Variants in PDZRN3 observed in about 807,000 individuals in gnomAD.
PDZRN3 encodes the protein PDZ domain containing ring finger 3.
Under a neutral mutation model 85.7 loss-of-function variants are expected in PDZRN3, and 38 were observed. The observed-to-expected ratio is 0.44, with a 90% CI of 0.34 to 0.58. The LOEUF is 0.58. Ranked by LOEUF, PDZRN3 falls within the 20% of genes least tolerant of loss-of-function variation. The pLI is 0.01. For missense variants in PDZRN3, 1,629 were observed against 1,506.4 expected (o/e 1.08, Z -1.35); for synonymous variants, 759 against 638.0 (o/e 1.19, Z -2.86).
chr3:73,589,546 T>G (rs1008982216), intron 3 of PDZRN3, among the ~76,000 whole-genome samples: 1 of 152,212 alleles, frequency 6.6e-6, no homozygotes, highest in Non-Finnish European at 1.5e-5. Context: ...GTTTAATAGA[T>G]GAGAATCTCT....
Position 73,404,568 on chromosome 3 carries a change from G to T in PDZRN3, c.919-173C>A, listed in dbSNP as rs562050526. 247 of 631,062 alleles carry T rather than the reference G, an allele frequency of 3.9e-4. 1 individual carries two copies. Among genetic ancestry groups the T allele is most frequent in the South Asian group, 1.3e-3 (64 of 48,634 alleles). 39.1% of individuals were successfully genotyped at this position (631,062 alleles called of 1,614,324 possible). ...TTTCCCGAAGAATGCCTGGTGGAAA[G>T]AGAGTGAGTTTGGAGGTATTCAGAT... On this transcript the variant is annotated intron_variant, in intron 3 of 9. Coordinates refer to ENST00000263666, the MANE Select transcript of PDZRN3 (RefSeq NM_015009.3).
intron 3 of PDZRN3, among the ~76,000 whole-genome samples, chr3:73,407,456 T>A (rs924579703): frequency 6.6e-6 from 1 of 152,224 alleles, no homozygotes; most frequent in South Asian, 2.1e-4. Context: ...ACATTCCTTA[T>A]ACTTTAGGTC....
intron 3 of PDZRN3, among the ~76,000 whole-genome samples, chr3:73,457,540 C>G (rs902766103): frequency 1.3e-5 from 2 of 152,120 alleles, no homozygotes; most frequent in African/African-American, 4.8e-5. Context: ...CGTGCTGTTC[C>G]ATGTGCCCCC....
chr3:73,579,917 T>G lies in PDZRN3; in HGVS notation c.918+22437A>C, dbSNP rs147687852. On this transcript the variant is annotated intron_variant, in intron 3 of 9. Transcript: ENST00000263666. ...TCCTTCAGACCTATACAGAAAAATGTGTAAGTTCAAATCTCACCGAAGCAG... is the reference window on the plus strand; with the variant it reads ...TCCTTCAGACCTATACAGAAAAATGGGTAAGTTCAAATCTCACCGAAGCAG... Among the ~76,000 whole-genome samples the G allele has an allele frequency of 8.0e-3, 1,223 of 152,260 alleles. 29 individuals carry two copies. Among genetic ancestry groups the G allele is most frequent in the African/African-American group, 0.028 (1,168 of 41,552 alleles).
chr3:73,617,385 T>C (rs760758293), intron 1 of PDZRN3, among the ~76,000 whole-genome samples: 2 of 152,194 alleles, frequency 1.3e-5, no homozygotes, highest in Non-Finnish European at 2.9e-5. Context: ...TAGGACACTA[T>C]TAGTCAAGGG....
At chr3:73,411,110 A>C (rs1233093405) in intron 3 of PDZRN3, among the ~76,000 whole-genome samples, 1 of 152,234 alleles carries the variant, frequency 6.6e-6, no homozygotes, top group Non-Finnish European at 1.5e-5. Flanking sequence ...TCTTAAGCTT[A>C]TTCTAGACCA....
At chr3:73,428,137 C>T (rs1702354928) in intron 3 of PDZRN3, among the ~76,000 whole-genome samples, 1 of 152,074 alleles carries the variant, frequency 6.6e-6, no homozygotes, top group Non-Finnish European at 1.5e-5. Flanking sequence ...TGGGAGAGGT[C>T]AGAAGAGGCT....
chr3:73,508,016 A>G (rs1005020371), intron 3 of PDZRN3, among the ~76,000 whole-genome samples: 1 of 151,854 alleles, frequency 6.6e-6, no homozygotes. Flanking sequence ...AATGGCTTGA[A>G]CTCAGGAGGT....
intron 3 of PDZRN3, among the ~76,000 whole-genome samples, chr3:73,581,932 C>T (rs1702207475): frequency 6.6e-6 from 1 of 152,028 alleles, no homozygotes; most frequent in East Asian, 1.9e-4. Flanking sequence ...AACCCCATCT[C>T]TACAAAACAT....
At chr3:73,527,443 G>A (rs954303618) in intron 3 of PDZRN3, among the ~76,000 whole-genome samples, 3 of 152,054 alleles carry the variant, frequency 2.0e-5, no homozygotes, top group Admixed American at 6.6e-5. Context: ...TGAGGTCCTC[G>A]AATGTGCAGT....
chr3:73,465,396 G>A (rs1466960265), intron 3 of PDZRN3, among the ~76,000 whole-genome samples: 6 of 152,188 alleles, frequency 3.9e-5, no homozygotes, highest in African/African-American at 9.7e-5. Flanking sequence ...TGGTGCCAGA[G>A]GATGTGATCT....
intron 3 of PDZRN3, among the ~76,000 whole-genome samples, chr3:73,413,247 G>A (rs1047018373): frequency 8.5e-5 from 13 of 152,188 alleles, no homozygotes; most frequent in South Asian, 2.1e-4. Flanking sequence ...TATCTTTTTC[G>A]GGAAATACTA....
chr3:73,507,566 C>A (rs1331345348), intron 3 of PDZRN3, among the ~76,000 whole-genome samples: 1 of 152,204 alleles, frequency 6.6e-6, no homozygotes, highest in African/African-American at 2.4e-5. Flanking sequence ...TCACTCTGAG[C>A]TTTCCAGTGC....
intron 3 of PDZRN3, among the ~76,000 whole-genome samples, chr3:73,527,929 C>G (rs1455477894): frequency 6.6e-6 from 1 of 152,214 alleles, no homozygotes; most frequent in Non-Finnish European, 1.5e-5. Flanking sequence ...GAACTCTTAT[C>G]CCACGATGAG....
chr3:73,539,220 G>A lies in PDZRN3; in HGVS notation c.918+63134C>T, dbSNP rs1704857278. 2.0e-5 allele frequency among the ~76,000 whole-genome samples: 3 copies of A among 152,154 alleles called. No homozygotes were observed. The South Asian group carries it at 6.2e-4, about 32-fold the overall frequency. On this transcript the variant is annotated intron_variant, in intron 3 of 9. Coordinates refer to ENST00000263666, the MANE Select transcript of PDZRN3 (RefSeq NM_015009.3). ...CTGGGTCCTTATATAGGTTTTCAAAGTCACTCTCTTAATGACATAGTTTCG... is the reference window on the plus strand; with the variant it reads ...CTGGGTCCTTATATAGGTTTTCAAAATCACTCTCTTAATGACATAGTTTCG...
chr3:73,489,560 T>C (rs1340860797), intron 3 of PDZRN3, among the ~76,000 whole-genome samples: 1 of 148,978 alleles, frequency 6.7e-6, no homozygotes. Flanking sequence ...GCCATGCATA[T>C]GGGCAGTTTC....
intron 3 of PDZRN3, among the ~76,000 whole-genome samples, chr3:73,574,419 A>C (rs949759922): frequency 2.4e-5 from 3 of 123,062 alleles, no homozygotes; most frequent in Non-Finnish European, 4.8e-5. Flanking sequence ...AATAAAGTCA[A>C]TGAGTTCACA....
chr3:73,615,371 C>T (rs902654849), intron 1 of PDZRN3, among the ~76,000 whole-genome samples: 3 of 152,160 alleles, frequency 2.0e-5, no homozygotes, highest in Non-Finnish European at 4.4e-5. Context: ...AAAAATGACA[C>T]CAACAAACCT....
intron 3 of PDZRN3, among the ~76,000 whole-genome samples, chr3:73,573,803 ACATACACC>A (rs1702077786): frequency 2.2e-5 from 2 of 90,086 alleles, no homozygotes; most frequent in South Asian, 9.8e-4. Flanking sequence ...ATATACATAC[ACATACACC>A]TATACATATA....
Sources: gnomAD v4.1 joint callset for allele counts (sites outside exome capture counted in the v4.1 genomes callset) on GRCh38, gnomAD v4.1.1 for gene constraint, MANE v1.5 for transcripts, NCBI Gene and HGNC (gene_info 2026-07-23, HGNC 2026-07-21) for gene names.